The following SLC8A1 variants were observed in gnomAD, a reference collection of about 807,000 sequenced individuals.
SLC8A1 encodes solute carrier family 8 member A1.
SLC8A1 carries 18 observed loss-of-function variants against 68.3 expected under a neutral mutation model. The ratio of observed to expected loss-of-function variants is 0.26; its 90% confidence interval spans 0.18 to 0.39. The LOEUF is 0.39. SLC8A1 is among the 10% of genes least tolerant of loss of function. The pLI is 1.00. For missense variants in SLC8A1, 985 were observed against 1,156.7 expected (o/e 0.85, Z 2.15); for synonymous variants, 475 against 415.5 (o/e 1.14, Z -1.74).
chr2:40,297,341 G>A (rs2070583847), intron 2 of SLC8A1, among the ~76,000 whole-genome samples: 1 of 152,016 alleles, frequency 6.6e-6, no homozygotes, highest in South Asian at 2.1e-4. Flanking sequence ...CTGTGACTCT[G>A]GACACATTTC....
At chr2:40,238,628 G>A (rs781649342) in intron 2 of SLC8A1, among the ~76,000 whole-genome samples, 10 of 152,088 alleles carry the variant, frequency 6.6e-5, no homozygotes, top group South Asian at 2.1e-4. Context: ...TTGGCTCCTC[G>A]ATCGTCTTCT....
intron 2 of SLC8A1, among the ~76,000 whole-genome samples, chr2:40,314,110 C>A (rs1201513333): frequency 2.0e-5 from 3 of 151,758 alleles, no homozygotes; most frequent in African/African-American, 4.8e-5. Flanking sequence ...CTTTCTTCAC[C>A]GTTTTTTGAA....
At chr2:40,361,367 G>C (rs984653968) in intron 2 of SLC8A1, among the ~76,000 whole-genome samples, 1 of 152,086 alleles carries the variant, frequency 6.6e-6, no homozygotes, top group Non-Finnish European at 1.5e-5. Context: ...CTATGATTTG[G>C]AAGATCAGTT....
chr2:40,468,911 A>G (rs766743185), intron 1 of SLC8A1, among the ~76,000 whole-genome samples: 3 of 152,148 alleles, frequency 2.0e-5, no homozygotes, highest in Non-Finnish European at 4.4e-5. Flanking sequence ...TCCCATCTCT[A>G]TATTTAAAAT....
intron 2 of SLC8A1, among the ~76,000 whole-genome samples, chr2:40,253,453 G>C (rs2063329960): frequency 1.3e-5 from 2 of 151,990 alleles, no homozygotes; most frequent in South Asian, 2.1e-4. Flanking sequence ...GGCACAGAAA[G>C]ACAAGTATTA....
intron 1 of SLC8A1, among the ~76,000 whole-genome samples, chr2:40,430,897 T>C (rs934157808): frequency 3.3e-5 from 5 of 152,178 alleles, no homozygotes; most frequent in Admixed American, 1.3e-4. Context: ...TCATGTCCTA[T>C]TGCTCCACAC....
In SLC8A1 at chr2:40,314,190, T is replaced by C. The variant is rs149743873; in HGVS notation, c.1808+114283A>G. 9.4e-3 allele frequency among the ~76,000 whole-genome samples: 1,423 copies of C among 152,188 alleles called. 8 individuals are homozygous for C. Among genetic ancestry groups the C allele is most frequent in the Non-Finnish European group, 0.015 (1,038 of 67,972 alleles). The stretch of plus-strand genomic sequence containing the variant: ...AATTTGTGCATATAGTGTGAAGTAA[T>C]AGATCAAAATTCATTTTTTATTTGC... On this transcript the variant is annotated intron_variant, in intron 2 of 7. Transcript: ENST00000406785.
intron 2 of SLC8A1, among the ~76,000 whole-genome samples, chr2:40,253,552 G>A (rs12467562): frequency 1.3e-4 from 20 of 152,092 alleles, no homozygotes; most frequent in South Asian, 6.2e-4. Flanking sequence ...AGGGCCTGGC[G>A]CGGTGGCTCA....
At chr2:40,395,749 GAA>G (rs1686713596) in intron 2 of SLC8A1, among the ~76,000 whole-genome samples, 1 of 152,100 alleles carries the variant, frequency 6.6e-6, no homozygotes, top group Admixed American at 6.6e-5. Context: ...CATGGGAAAG[GAA>G]AAGATAGGGA....
intron 2 of SLC8A1, among the ~76,000 whole-genome samples, chr2:40,249,470 T>C (rs1050229067): frequency 7.2e-5 from 11 of 152,224 alleles, no homozygotes; most frequent in African/African-American, 2.7e-4. Context: ...CTGTAATATT[T>C]TCATAACCCT....
At chr2:40,427,712 T>G (rs551337640) in intron 2 of SLC8A1, among the ~76,000 whole-genome samples, 1 of 152,244 alleles carries the variant, frequency 6.6e-6, no homozygotes, top group East Asian at 1.9e-4. Context: ...GAAGAATAAA[T>G]TTTTCCTTCT....
chr2:40,199,843 A>G (rs2053790301), intron 2 of SLC8A1, among the ~76,000 whole-genome samples: 1 of 151,592 alleles, frequency 6.6e-6, no homozygotes, highest in Non-Finnish European at 1.5e-5. Context: ...CAGGAAAGAA[A>G]GAAAGATTGC....
chr2:40,183,526 A>G (rs1295459507), intron 2 of SLC8A1, among the ~76,000 whole-genome samples: 2 of 152,202 alleles, frequency 1.3e-5, no homozygotes, highest in Non-Finnish European at 2.9e-5. Context: ...AATAGTTTTA[A>G]CCAGCTGTCT....
rs190667015 is a variant in SLC8A1 at position 40,446,996 on chromosome 2, A to G, written c.-25+4908T>C. On this transcript the variant is annotated intron_variant, in intron 1 of 7. Coordinates refer to ENST00000406785, the Ensembl canonical transcript of SLC8A1. ...AATTGCTGAATCACTACCTTGTTTG[A>G]CTTGCTCTCACATTGGATCCAACCA... Among the ~76,000 whole-genome samples the G allele has an allele frequency of 3.3e-5, 5 of 152,306 alleles. No homozygotes were observed. The East Asian group carries it at 9.6e-4, about 29-fold the overall frequency.
intron 2 of SLC8A1, among the ~76,000 whole-genome samples, chr2:40,310,362 A>G (rs2073450237): frequency 6.6e-6 from 1 of 152,216 alleles, no homozygotes; most frequent in South Asian, 2.1e-4. Context: ...CAAGCAAGAA[A>G]CAGGTCATAA....
intron 2 of SLC8A1, among the ~76,000 whole-genome samples, chr2:40,230,544 A>G (rs567426877): frequency 1.3e-5 from 2 of 152,300 alleles, no homozygotes; most frequent in African/African-American, 4.8e-5. Flanking sequence ...TCAACTCTTA[A>G]TCACTATAAA....
At chr2:40,312,535 CAAGTAT>C (rs534626025) in intron 2 of SLC8A1, among the ~76,000 whole-genome samples, 206 of 151,946 alleles carry the variant, frequency 1.4e-3, no homozygotes, top group Non-Finnish European at 1.8e-3. Context: ...TAGATAAGTA[CAAGTAT>C]AAATATAAAT....
intron 6 of SLC8A1, among the ~76,000 whole-genome samples, chr2:40,140,789 G>A (rs1178610617): frequency 6.6e-6 from 1 of 152,046 alleles, no homozygotes; most frequent in Admixed American, 6.5e-5. Context: ...ATGAAGGAGT[G>A]CATGCAGAAA....
intron 2 of SLC8A1, among the ~76,000 whole-genome samples, chr2:40,356,316 TTA>T (rs1403670941): frequency 1.3e-5 from 2 of 152,156 alleles, no homozygotes; most frequent in African/African-American, 4.8e-5. Context: ...GTACTCAGAT[TTA>T]TGACTGACTG....
Sources: allele counts gnomAD v4.1 joint callset (sites outside exome capture counted in the v4.1 genomes callset), GRCh38; gene constraint gnomAD v4.1.1; transcripts MANE v1.5; gene names NCBI Gene and HGNC (gene_info 2026-07-23, HGNC 2026-07-21).